Variants in EPN2 observed in about 807,000 individuals in gnomAD.
The protein encoded by EPN2 is epsin 2, also known as epsin-2.
EPN2 carries 34 observed loss-of-function variants against 61.7 expected under a neutral mutation model. The ratio of observed to expected loss-of-function variants is 0.55; its 90% CI spans 0.42 to 0.73. The LOEUF (loss-of-function observed/expected upper bound fraction) is 0.73, where lower values mean the gene tolerates loss of function less well. EPN2 is among the 30% of genes least tolerant of loss of function. The pLI, the probability that EPN2 is intolerant of heterozygous loss-of-function variation, is 0.00. For synonymous variants in EPN2, 349 were observed against 353.6 expected, an observed-to-expected ratio of 0.99 and a Z score of 0.15; for missense variants, 714 against 839.2, an observed-to-expected ratio of 0.85 and a Z score of 1.84.
chr17:19,297,739 C>CAGTG (rs1004161110), intron 4 of EPN2, among the ~76,000 whole-genome samples: 2 of 152,196 alleles, frequency 1.3e-5, no homozygotes, highest in Non-Finnish European at 2.9e-5. Flanking sequence ...AGGGCAGGAG[C>CAGTG]AGTGACCTTG....
intron 4 of EPN2, among the ~76,000 whole-genome samples, chr17:19,309,279 C>T (rs945649972): frequency 3.9e-5 from 6 of 152,022 alleles, no homozygotes; most frequent in African/African-American, 1.2e-4. Context: ...TATAGGCACA[C>T]GCCACCATGC....
rs1431618329 is a variant in EPN2 at position 19,283,297 on chromosome 17, G to C, written c.178G>C (p.Val60Leu). The C allele has an allele frequency of 1.2e-6, 2 of 1,614,178 alleles. No individual in the cohort carries two copies. The highest frequency in any genetic ancestry group is 2.2e-5 in the East Asian group (1 of 44,876). ...VVAFSEIMSM[V>L]WKRLNDHGKN... ...GGCCTTCTCGGAGATCATGAGCATG[G>C]TGTGGAAGCGGCTGAATGACCATGG... is the stretch of plus-strand genomic sequence containing the variant. The change falls in exon 3 of 11, where the codon GTG becomes CTG. Residue 60 changes from valine to leucine, a missense_variant. Physicochemically the swap from Val to Leu is conservative, Grantham distance 32. Around this residue, in one of 2 missense-constraint regions of EPN2, gnomAD observed 304 missense variants for 417.4 expected, o/e 0.73. Coordinates refer to ENST00000314728, the MANE Select transcript of EPN2 (RefSeq NM_014964.5). The surrounding 1 kb of genome is among the most constrained non-coding windows in gnomAD (Gnocchi z 7.0).
chr17:19,260,410 A>G (rs2045128353), intron 1 of EPN2, among the ~76,000 whole-genome samples: 1 of 152,162 alleles, frequency 6.6e-6, no homozygotes, highest in South Asian at 2.1e-4. Flanking sequence ...AGAGAGTCAC[A>G]GAAAGGAAGG....
At chr17:19,244,275 A>G (rs1381884311) in intron 1 of EPN2, among the ~76,000 whole-genome samples, 2 of 152,170 alleles carry the variant, frequency 1.3e-5, no homozygotes, top group East Asian at 1.9e-4. Context: ...CATGGCCAAC[A>G]TGGCGAAACC....
At chr17:19,252,125 C>T (rs553255388) in intron 1 of EPN2, among the ~76,000 whole-genome samples, 2 of 152,186 alleles carry the variant, frequency 1.3e-5, no homozygotes, top group East Asian at 3.9e-4. Flanking sequence ...TGGATTTTCA[C>T]ATTAGGGATA....
intron 1 of EPN2, among the ~76,000 whole-genome samples, chr17:19,265,396 C>T (rs1316291210): frequency 1.4e-5 from 2 of 141,364 alleles, no homozygotes; most frequent in South Asian, 4.5e-4. Context: ...AAAAAAAGAA[C>T]GTCTAGGAAG....
intron 8 of EPN2, 120 bp downstream of exon 8, chr17:19,329,007 C>A: frequency 1.1e-6 from 1 of 887,682 alleles, no homozygotes; most frequent in Admixed American, 2.8e-5. Flanking sequence ...CCCTCCTCCC[C>A]CTTAGCCTTT....
At chr17:19,291,539 G>A (rs1380671545) in intron 4 of EPN2, among the ~76,000 whole-genome samples, 2 of 139,456 alleles carry the variant, frequency 1.4e-5, no homozygotes, top group African/African-American at 2.6e-5. Context: ...CTGGGTTCAC[G>A]CCGTTCTCCT....
At chr17:19,263,867 C>T (rs1050544049) in intron 1 of EPN2, among the ~76,000 whole-genome samples, 8 of 151,696 alleles carry the variant, frequency 5.3e-5, no homozygotes, top group Non-Finnish European at 1.2e-4. Flanking sequence ...TTTTCTTGGC[C>T]TGGTCCTCCC....
intron 8 of EPN2, chr17:19,329,247 G>T: frequency 2.3e-6 from 1 of 430,686 alleles, no homozygotes; most frequent in Non-Finnish European, 4.1e-6. Context: ...CCTCATCCAA[G>T]CAACCAGACC....
At chr17:19,304,020 T>G (rs554425479) in intron 4 of EPN2, 3 of 152,186 alleles carry the variant, frequency 2.0e-5, no homozygotes, top group Admixed American at 6.6e-5. Flanking sequence ...GGAGAATCGC[T>G]TGAACTCGGG....
At chr17:19,298,258 G>C (rs148300209) in intron 4 of EPN2, among the ~76,000 whole-genome samples, 1 of 152,116 alleles carries the variant, frequency 6.6e-6, no homozygotes, top group Non-Finnish European at 1.5e-5. Context: ...GCAATGGCAC[G>C]ATTTCTGCTC....
At chr17:19,316,950 C>G (rs1230961608) in intron 7 of EPN2, among the ~76,000 whole-genome samples, 1 of 152,172 alleles carries the variant, frequency 6.6e-6, no homozygotes, top group Non-Finnish European at 1.5e-5. Flanking sequence ...GTTAGCACAC[C>G]CTCTGCTTCC....
intron 9 of EPN2, among the ~76,000 whole-genome samples, chr17:19,331,359 G>A (rs537707415): frequency 7.2e-5 from 11 of 152,282 alleles, no homozygotes; most frequent in East Asian, 5.8e-4. Context: ...TTCCTGTACC[G>A]TGAAGCATCC....
At position 19,307,373 on chromosome 17, in the gene EPN2, C is replaced by T. The variant is rs375621884; in HGVS notation, c.767-2512C>T. Among the ~76,000 whole-genome samples the T allele has an allele frequency of 7.9e-3, 1,206 of 151,908 alleles. 13 individuals carry two copies. Among genetic ancestry groups the T allele is most frequent in the Middle Eastern group, 0.017 (5 of 294 alleles). ...TCACCCAGGCTGGAGTGCAGTGGCG[C>T]GATCTCAGCTCACTGCAAGCTCTGC... On this transcript the variant is annotated intron_variant, in intron 4 of 10. Coordinates refer to ENST00000314728, the MANE Select transcript of EPN2 (RefSeq NM_014964.5).
At chr17:19,279,840 CTT>C (rs749421925) in intron 1 of EPN2, 34 of 126,190 alleles carry the variant, frequency 2.7e-4, no homozygotes, top group Admixed American at 3.2e-4. Context: ...CTTTTCTTTT[CTT>C]TTTTTTTTTT....
chr17:19,307,727 C>A (rs2152229987), intron 4 of EPN2, among the ~76,000 whole-genome samples: 1 of 152,338 alleles, frequency 6.6e-6, no homozygotes, highest in East Asian at 1.9e-4. Flanking sequence ...GGCAACCTCA[C>A]ATGGTAGAGA....
chr17:19,266,086 C>T (rs2045194550), intron 1 of EPN2, among the ~76,000 whole-genome samples: 1 of 152,114 alleles, frequency 6.6e-6, no homozygotes, highest in East Asian at 1.9e-4. Context: ...TCCTTTCTCC[C>T]ACTGCTGCTT....
chr17:19,320,783 C>T (rs1906601516), intron 7 of EPN2, among the ~76,000 whole-genome samples: 1 of 152,094 alleles, frequency 6.6e-6, no homozygotes, highest in Non-Finnish European at 1.5e-5. Context: ...GTTTCTGAGC[C>T]CCTGAATTGG....
Sources: gnomAD v4.1 joint callset for allele counts (sites outside exome capture counted in the v4.1 genomes callset) on GRCh38, gnomAD v4.1.1 for gene constraint, gnomAD v4.1.1 regional missense constraint, Gnocchi (gnomAD v3.1) non-coding constraint, MANE v1.5 for transcripts, NCBI Gene and HGNC (gene_info 2026-07-23, HGNC 2026-07-21) for gene names.